TEX14: variants seen among roughly 807,000 people sequenced by gnomAD.
The protein encoded by TEX14 is inactive serine/threonine-protein kinase TEX14.
In TEX14, 168 loss-of-function variants were observed where a neutral mutation model predicts 178.6. That is an observed-to-expected ratio of 0.94 (90% CI 0.83 to 1.07). The LOEUF (loss-of-function observed/expected upper bound fraction) is 1.07. Among genes scored for constraint, TEX14 ranks in the 50% least tolerant of loss-of-function variants. TEX14 has a pLI of 0.00. For synonymous variants in TEX14, 626 were observed against 634.1 expected (o/e 0.99, Z 0.19); for missense variants, 1,730 against 1,753.6 (o/e 0.99, Z 0.24).
chr17:58,612,444 C>T (rs2045767822), intron 9 of TEX14, among the ~76,000 whole-genome samples: 1 of 151,716 alleles, frequency 6.6e-6, no homozygotes, highest in Non-Finnish European at 1.5e-5. Context: ...TAAAAATTAG[C>T]TGGGTGGGGG....
intron 1 of TEX14, among the ~76,000 whole-genome samples, chr17:58,655,980 T>G (rs1361286224): frequency 1.3e-5 from 2 of 152,222 alleles, no homozygotes; most frequent in Middle Eastern, 3.2e-3. Context: ...GGGGAAGTAC[T>G]CCTGGGCCCT....
At chr17:58,610,597 C>T (rs2045720377) in intron 10 of TEX14, among the ~76,000 whole-genome samples, 1 of 152,118 alleles carries the variant, frequency 6.6e-6, no homozygotes, top group Non-Finnish European at 1.5e-5. Context: ...TTAAAAGCTG[C>T]TCAAAGGGCC....
chr17:58,570,270 A>G, intron 25 of TEX14, 115 bp downstream of exon 25: 1 of 602,278 alleles, frequency 1.7e-6, no homozygotes, highest in Non-Finnish European at 2.7e-6. Flanking sequence ...TTACTTTTAT[A>G]ATCATGGGGA....
intron 29 of TEX14, among the ~76,000 whole-genome samples, chr17:58,560,056 C>T (rs1459566086): frequency 6.6e-6 from 1 of 152,110 alleles, no homozygotes; most frequent in Non-Finnish European, 1.5e-5. Context: ...AATTTAAGAC[C>T]ATGTTTGTCA....
intron 31 of TEX14, among the ~76,000 whole-genome samples, 194 bp downstream of exon 31, chr17:58,557,605 G>C (rs1378163664): frequency 6.6e-6 from 1 of 152,036 alleles, no homozygotes; most frequent in Non-Finnish European, 1.5e-5. Flanking sequence ...ATCACTTATT[G>C]AATCAAAGTT....
chr17:58,634,402 G>A (rs2046387926), intron 2 of TEX14, among the ~76,000 whole-genome samples: 1 of 152,178 alleles, frequency 6.6e-6, no homozygotes, highest in East Asian at 1.9e-4. Flanking sequence ...AACAGAGTGA[G>A]ACTCTGTCTC....
Position 58,658,524 on chromosome 17 carries a change from G to A in TEX14, c.-1-6522C>T, listed in dbSNP as rs142425729. 5.8e-3 allele frequency among the ~76,000 whole-genome samples: 868 copies of A among 150,298 alleles called. 5 individuals are homozygous for A. The highest frequency in any genetic ancestry group is 9.4e-3 in the African/African-American group (381 of 40,654). ...CCTGCTTCAGCCTCCAAAGTAGCTG[G>A]GATTACAGATGTGCGCCACCATGCC... is the stretch of plus-strand genomic sequence containing the variant. On this transcript the variant is annotated intron_variant, in intron 1 of 31. Transcript: ENST00000349033.
chr17:58,667,539 T>C (rs887893751), intron 1 of TEX14, among the ~76,000 whole-genome samples: 6 of 152,148 alleles, frequency 3.9e-5, no homozygotes, highest in Admixed American at 3.3e-4. Flanking sequence ...AACGTTGAGG[T>C]AGGAAATGGA....
intron 2 of TEX14, among the ~76,000 whole-genome samples, chr17:58,638,076 G>C (rs1281903684): frequency 6.6e-6 from 1 of 152,070 alleles, no homozygotes; most frequent in Non-Finnish European, 1.5e-5. Flanking sequence ...TGGTCAGGCT[G>C]ATCTCGAACT....
chr17:58,597,073 A>T (rs953587080), intron 14 of TEX14, among the ~76,000 whole-genome samples: 2 of 152,190 alleles, frequency 1.3e-5, no homozygotes, highest in Admixed American at 1.3e-4. Context: ...GAGAGGTGGC[A>T]GGGAGAGCTA....
chr17:58,605,050 T>C lies in TEX14; in HGVS notation c.1264A>G (p.Ile422Val). The C allele has an allele frequency of 1.1e-5, 17 of 1,614,176 alleles. No homozygotes were observed. The highest frequency in any genetic ancestry group is 1.4e-5 in the Non-Finnish European group (16 of 1,180,024). The change falls in exon 11 of 32, where the codon ATC becomes GTC. Residue 422 changes from isoleucine (I) to valine (V), a missense_variant. Physicochemically the swap from Ile to Val is conservative, Grantham distance 29 (BLOSUM62 3). This residue lies in a region of TEX14 where 789 missense variants were observed against 681.2 expected (regional missense o/e 1.16). Transcript: ENST00000349033. ...TTCACTGTGGCTGCCTTCTGTAAGA[T>C]CACTTCTGGTGCGGCCCAGTTGTAT... is the stretch of plus-strand genomic sequence containing the variant. The part of the protein sequence containing the change: ...QLYNWAAPEV[I>V]LQKAATVKSD...
intron 2 of TEX14, among the ~76,000 whole-genome samples, chr17:58,644,414 A>C (rs761985722): frequency 4.7e-4 from 71 of 151,208 alleles, no homozygotes; most frequent in Non-Finnish European, 8.9e-4. Flanking sequence ...CTCACTGCAA[A>C]ATCAGCCTTC....
chr17:58,575,669 A>G (rs985103489), intron 21 of TEX14, among the ~76,000 whole-genome samples: 4 of 152,200 alleles, frequency 2.6e-5, no homozygotes, highest in South Asian at 2.1e-4. Flanking sequence ...TACACAACTC[A>G]CCGTGTTCCA....
chr17:58,657,502 CTTTTTTTTTTTTTTTTT>C (rs35359604), intron 1 of TEX14, among the ~76,000 whole-genome samples: 1 of 51,352 alleles, frequency 1.9e-5, no homozygotes, highest in African/African-American at 8.4e-5. Flanking sequence ...ACGGGAAATG[CTTTTTTTTTTTTTTTTT>C]TTTTTTTTTT....
rs369947666 is a variant in TEX14 at position 58,661,195 on chromosome 17, T to C, written c.-1-9193A>G. 5.8e-5 allele frequency: 46 copies of C among 799,134 alleles called. No individual in the cohort carries two copies. The Admixed American group carries it at 7.8e-4, about 14-fold the overall frequency. The allele number at this position is 799,134 out of a possible 1,614,324, so 49.5% of individuals were successfully genotyped here. On this transcript the variant is annotated intron_variant, in intron 1 of 31. Coordinates refer to ENST00000349033, the MANE Select transcript of TEX14 (RefSeq NM_031272.5). The stretch of plus-strand genomic sequence containing the variant: ...AGGTAATAGCACCGTGATTTTCAGC[T>C]GAGTTGGTCTTGGTTTGGGGCAGCT...
In TEX14 at chr17:58,572,074, T is replaced by C. The variant is rs759299104; in HGVS notation, c.3564A>G (p.Thr1188=). 6.2e-7 allele frequency: 1 copy of C among 1,614,014 alleles called. No homozygotes were observed. Among genetic ancestry groups the C allele is most frequent in the Non-Finnish European group, 8.5e-7 (1 of 1,180,022 alleles). ...AGGCAAACTCTGTCTTAACCTGAAA[T>C]GTGATACTTTCAAGGCAGTCTTTAT... The part of the protein sequence containing the change: ...SQYKDCLESI[T]FQVKTEFASC... The change falls in exon 24 of 32, where the codon ACA becomes ACG. Residue 1188 remains threonine (T), a synonymous_variant. Transcript: ENST00000349033.
intron 1 of TEX14, among the ~76,000 whole-genome samples, chr17:58,668,228 A>G (rs1475612189): frequency 6.6e-6 from 1 of 152,094 alleles, no homozygotes; most frequent in African/African-American, 2.4e-5. Flanking sequence ...ACAAATTCCC[A>G]TTTGCCCATG....
chr17:58,655,350 AT>A (rs2046932483), intron 1 of TEX14, among the ~76,000 whole-genome samples: 1 of 151,470 alleles, frequency 6.6e-6, no homozygotes, highest in African/African-American at 2.4e-5. Context: ...TGCCCAGCTA[AT>A]TTTTGCATTT....
intron 8 of TEX14, among the ~76,000 whole-genome samples, 183 bp downstream of exon 8, chr17:58,615,049 C>T (rs1214458793): frequency 6.6e-5 from 10 of 152,202 alleles, no homozygotes; most frequent in East Asian, 1.9e-4. Context: ...TCAGGCTACT[C>T]GTTAACTTCT....
Sources: gnomAD v4.1 joint callset for allele counts (sites outside exome capture counted in the v4.1 genomes callset) on GRCh38, gnomAD v4.1.1 for gene constraint, gnomAD v4.1.1 regional missense constraint, MANE v1.5 for transcripts, NCBI Gene and HGNC (gene_info 2026-07-23, HGNC 2026-07-21) for gene names.